The following POLK variants were observed in gnomAD, a reference collection of about 807,000 sequenced individuals.
POLK encodes the protein polymerase (DNA directed) kappa.
Under a neutral mutation model 94.0 loss-of-function variants are expected in POLK, and 76 were observed. That is an observed-to-expected ratio of 0.81 (90% confidence interval 0.67 to 0.98). The LOEUF (loss-of-function observed/expected upper bound fraction) is 0.98, where lower values mean the gene tolerates loss of function less well. Among genes scored for constraint, POLK ranks in the 50% least tolerant of loss-of-function variants. POLK has a pLI of 0.00. For missense variants in POLK, 954 were observed against 1,010.1 expected (o/e 0.94, Z 0.75); for synonymous variants, 349 against 325.4 (o/e 1.07, Z -0.78).
At chr5:75,522,715 T>A (rs1220898929) in intron 1 of POLK, among the ~76,000 whole-genome samples, 2 of 152,108 alleles carry the variant, frequency 1.3e-5, no homozygotes, top group African/African-American at 4.8e-5. Context: ...TGAGTAATGA[T>A]TAAATAAACC....
chr5:75,581,823 G>A (rs1772208768), intron 7 of POLK: 1 of 190,244 alleles, frequency 5.3e-6, no homozygotes, highest in Non-Finnish European at 1.1e-5. Flanking sequence ...GGGACTACAG[G>A]CGCATGCCAC....
intron 3 of POLK, among the ~76,000 whole-genome samples, chr5:75,561,407 C>T (rs1011438696): frequency 4.6e-5 from 7 of 152,070 alleles, no homozygotes; most frequent in East Asian, 3.9e-4. Flanking sequence ...TGGATATTAG[C>T]TGTTTGTCAG....
chr5:75,554,567 G>T (rs536606972), intron 3 of POLK, among the ~76,000 whole-genome samples: 2 of 151,706 alleles, frequency 1.3e-5, no homozygotes, highest in African/African-American at 4.8e-5. Context: ...AACTGGTGTC[G>T]TGGGGGTTTG....
chr5:75,511,756 T>C, exon 1 of POLK: 1 of 1,548,600 alleles, frequency 6.5e-7, no homozygotes, highest in Non-Finnish European at 8.7e-7. Flanking sequence ...TCCCGAACCC[T>C]ACCTCCGGCT....
At chr5:75,577,310 A>C (rs1214171655) in intron 6 of POLK, among the ~76,000 whole-genome samples, 4 of 152,210 alleles carry the variant, frequency 2.6e-5, no homozygotes, top group Non-Finnish European at 5.9e-5. Flanking sequence ...AGCCTCAAAC[A>C]TATCAAAACA....
chr5:75,578,637 T>C (rs1772038391), intron 6 of POLK, among the ~76,000 whole-genome samples: 1 of 152,216 alleles, frequency 6.6e-6, no homozygotes, highest in South Asian at 2.1e-4. Context: ...GGCTGGACTT[T>C]CAGGCGTGTC....
At chr5:75,535,539 T>C (rs1278743618) in intron 1 of POLK, among the ~76,000 whole-genome samples, 2 of 151,714 alleles carry the variant, frequency 1.3e-5, no homozygotes, top group African/African-American at 4.8e-5. Flanking sequence ...TCCTGAAATA[T>C]GTTTTCCAAG....
intron 3 of POLK, among the ~76,000 whole-genome samples, chr5:75,563,304 G>A (rs953831135): frequency 6.6e-6 from 1 of 151,866 alleles, no homozygotes; most frequent in Non-Finnish European, 1.5e-5. Flanking sequence ...TTGGTAGTCT[G>A]GCTAGCAGTC....
At chr5:75,569,341 T>C (rs1339856940) in exon 4 of POLK, 9 of 1,603,852 alleles carry the variant, frequency 5.6e-6, no homozygotes, top group Non-Finnish European at 6.8e-6. Context: ...AAAATTAAGG[T>C]TGACAGATTT....
chr5:75,540,658 A>C (rs184798172), intron 1 of POLK, among the ~76,000 whole-genome samples: 1 of 152,286 alleles, frequency 6.6e-6, no homozygotes, highest in East Asian at 1.9e-4. Flanking sequence ...ACAGTACCAA[A>C]AAAGGTACTA....
At chr5:75,584,873 T>C (rs1224421552) in exon 9 of POLK, 1 of 1,607,900 alleles carries the variant, frequency 6.2e-7, no homozygotes, top group South Asian at 1.1e-5. Context: ...CTGAAACATC[T>C]TGGCATTATT....
intron 13 of POLK, 45 bp downstream of exon 13, chr5:75,597,223 G>A: frequency 1.1e-6 from 1 of 946,468 alleles, no homozygotes; most frequent in Non-Finnish European, 1.6e-6. Context: ...CTAGGAATAT[G>A]TATTATTAAA....
intron 1 of POLK, among the ~76,000 whole-genome samples, chr5:75,527,003 T>C (rs776371611): frequency 2.2e-4 from 34 of 152,136 alleles, no homozygotes; most frequent in South Asian, 2.1e-4. Context: ...CTGATTTGAG[T>C]TTTAATGTTC....
intron 1 of POLK, among the ~76,000 whole-genome samples, chr5:75,524,725 TC>T (rs1768748137): frequency 6.6e-6 from 1 of 152,182 alleles, no homozygotes; most frequent in Admixed American, 6.5e-5. Flanking sequence ...AGATTCTCAT[TC>T]TTTGCAGCTT....
chr5:75,566,828 C>G (rs548684850), intron 3 of POLK, among the ~76,000 whole-genome samples: 78 of 152,342 alleles, frequency 5.1e-4, no homozygotes, highest in African/African-American at 1.6e-3. Flanking sequence ...AGCCGTTATT[C>G]TTAACGAGTG....
At chr5:75,558,856 A>G (rs1286235665) in intron 3 of POLK, among the ~76,000 whole-genome samples, 5 of 152,216 alleles carry the variant, frequency 3.3e-5, no homozygotes, top group African/African-American at 9.6e-5. Flanking sequence ...GATACAGTAT[A>G]TAAGTGATGC....
chr5:75,545,859 G>T (rs760116017), intron 1 of POLK, among the ~76,000 whole-genome samples: 10 of 152,138 alleles, frequency 6.6e-5, no homozygotes, highest in Non-Finnish European at 1.3e-4. Flanking sequence ...TAGCAAATTT[G>T]TGTCAGTAGA....
chr5:75,599,905 C>G (rs573449167), exon 15 of POLK: 1 of 152,166 alleles, frequency 6.6e-6, no homozygotes, highest in East Asian at 1.9e-4. Flanking sequence ...TCTTCACATT[C>G]TTTACTACCT....
intron 7 of POLK, chr5:75,582,005 C>G (rs1772220189): frequency 2.0e-6 from 2 of 985,722 alleles, no homozygotes; most frequent in Middle Eastern, 2.8e-4. Context: ...CTATCTTTTT[C>G]TAGCACAAAA....
Sources: gnomAD v4.1 joint callset for allele counts (sites outside exome capture counted in the v4.1 genomes callset) on GRCh38, gnomAD v4.1.1 for gene constraint, MANE v1.5 for transcripts, NCBI Gene and HGNC (gene_info 2026-07-23, HGNC 2026-07-21) for gene names.